ING5: variants seen among roughly 807,000 people sequenced by gnomAD.
The protein encoded by ING5 is inhibitor of growth protein 5.
ING5 carries 17 observed loss-of-function variants against 37.4 expected under a neutral mutation model. That is an observed-to-expected ratio of 0.45 (90% CI 0.31 to 0.68). The LOEUF is 0.68. ING5 is among the 30% of genes least tolerant of loss of function. The probability of loss-of-function intolerance (pLI) is 0.05; values close to 1 mark genes in which losing one functional copy is unlikely to be tolerated. For missense variants in ING5, 233 were observed against 311.9 expected, an observed-to-expected ratio of 0.75 and a Z score of 1.91; for synonymous variants, 123 against 116.6, an observed-to-expected ratio of 1.06 and a Z score of -0.36.
chr2:241,713,058 C>A (rs1559307667), intron 5 of ING5, among the ~76,000 whole-genome samples: 1 of 136,488 alleles, frequency 7.3e-6, no homozygotes, highest in African/African-American at 2.7e-5. Flanking sequence ...GGACAATTTT[C>A]TTTTTTTTTT....
intron 2 of ING5, among the ~76,000 whole-genome samples, chr2:241,693,262 A>AAG (rs1400342878): frequency 6.6e-6 from 1 of 151,708 alleles, no homozygotes; most frequent in African/African-American, 2.4e-5. Flanking sequence ...CAAAAAAAAA[A>AAG]AAAAAAAAAA....
At chr2:241,699,760 G>T (rs1575117638), upstream of ING5, among the ~76,000 whole-genome samples, 1 of 152,110 alleles carries the variant, frequency 6.6e-6, no homozygotes, top group Admixed American at 6.6e-5. Flanking sequence ...GAGCCTTTGG[G>T]ACGTCCTCTT....
chr2:241,697,479 C>G (rs541071416), upstream of ING5, among the ~76,000 whole-genome samples: 1 of 151,680 alleles, frequency 6.6e-6, no homozygotes, highest in Non-Finnish European at 1.5e-5. Flanking sequence ...GTGGAACATC[C>G]GGACGTTGGA....
chr2:241,725,123 G>T lies in ING5; in HGVS notation c.*92G>T, dbSNP rs1691561346. ...CCTTCCTTTTAAAACTACCTTGTTCGGTTGATACTTAGTAACTCCGTGGCC... is the reference window on the plus strand; with the variant it reads ...CCTTCCTTTTAAAACTACCTTGTTCTGTTGATACTTAGTAACTCCGTGGCC... On this transcript the variant is annotated 3_prime_UTR_variant, in exon 8 of 8. Transcript: ENST00000313552. The T allele has an allele frequency of 3.7e-6, 5 of 1,338,178 alleles. No individual in the cohort carries two copies. Among genetic ancestry groups the T allele is most frequent in the Non-Finnish European group, 5.4e-6 (5 of 932,698 alleles). 82.9% of individuals were successfully genotyped at this position (1,338,178 alleles called of 1,614,324 possible).
intron 1 of ING5, among the ~76,000 whole-genome samples, chr2:241,689,352 C>G (rs905620375): frequency 1.3e-5 from 2 of 152,154 alleles, no homozygotes; most frequent in Admixed American, 6.6e-5. Flanking sequence ...TCGGGTGATC[C>G]GCCCACGTCA....
rs558243214 is a variant in ING5 at position 241,687,685 on chromosome 2, G to T, written c.-1151G>T. 2.9e-3 allele frequency: 624 copies of T among 215,022 alleles called. 4 individuals carry two copies. Among genetic ancestry groups the T allele is most frequent in the African/African-American group, 0.013 (576 of 43,754 alleles). 13.3% of individuals were successfully genotyped at this position (215,022 alleles called of 1,614,324 possible). Reference sequence around the variant, plus strand: ...TGGGACTGCAGGCGGCCGCCACGACGCCCGGCTAATTTTTTGTATTTTTAG... The same window carrying T: ...TGGGACTGCAGGCGGCCGCCACGACTCCCGGCTAATTTTTTGTATTTTTAG... On this transcript the variant is annotated 5_prime_UTR_variant, in exon 1 of 8. Transcript: ENST00000636051.
intron 5 of ING5, among the ~76,000 whole-genome samples, chr2:241,717,233 G>C (rs965234113): frequency 2.0e-5 from 3 of 151,882 alleles, no homozygotes; most frequent in African/African-American, 7.3e-5. Flanking sequence ...TACTCACCTG[G>C]TTAATTTTTG....
chr2:241,718,468 G>A (rs555883878), intron 5 of ING5, among the ~76,000 whole-genome samples: 1 of 144,378 alleles, frequency 6.9e-6, no homozygotes, highest in South Asian at 2.2e-4. Flanking sequence ...CCAGGCTGGA[G>A]TGCACTGGTA....
intron 5 of ING5, among the ~76,000 whole-genome samples, chr2:241,717,660 T>C (rs1444396883): frequency 6.6e-6 from 1 of 151,946 alleles, no homozygotes. Context: ...TTGATTCTGA[T>C]GATAAATTAC....
chr2:241,707,567 A>T (rs763388421), intron 2 of ING5, among the ~76,000 whole-genome samples: 1 of 152,200 alleles, frequency 6.6e-6, no homozygotes, highest in East Asian at 1.9e-4. Context: ...TGCTGGGATT[A>T]CAGACGTGAG....
chr2:241,696,419 C>CAAAACAA (rs1559295521), intron 2 of ING5, among the ~76,000 whole-genome samples: 3 of 151,396 alleles, frequency 2.0e-5, no homozygotes, highest in African/African-American at 7.3e-5. Context: ...AAAAACCCCC[C>CAAAACAA]AAAACAAAAA....
intron 3 of ING5, among the ~76,000 whole-genome samples, chr2:241,710,469 A>T (rs1339532420): frequency 6.7e-6 from 1 of 149,804 alleles, no homozygotes; most frequent in Non-Finnish European, 1.5e-5. Context: ...CCAACAGGCT[A>T]ATTTTTGTTT....
chr2:241,693,780 C>T (rs1457954815), intron 2 of ING5, among the ~76,000 whole-genome samples: 1 of 151,268 alleles, frequency 6.6e-6, no homozygotes, highest in Non-Finnish European at 1.5e-5. Flanking sequence ...GCCTCAGCCT[C>T]CCGAGTAGCT....
At chr2:241,688,416 A>C (rs993526306) in intron 1 of ING5, among the ~76,000 whole-genome samples, 6 of 152,170 alleles carry the variant, frequency 3.9e-5, no homozygotes, top group African/African-American at 1.4e-4. Flanking sequence ...CACCCACTTC[A>C]GTGCTTTGGG....
chr2:241,708,745 A>G (rs954314716), intron 2 of ING5, among the ~76,000 whole-genome samples: 5 of 152,072 alleles, frequency 3.3e-5, no homozygotes, highest in African/African-American at 1.2e-4. Flanking sequence ...AGGATTGGAC[A>G]TTGGGGTTGT....
chr2:241,694,698 A>G (rs994158465), intron 2 of ING5, among the ~76,000 whole-genome samples: 1 of 150,262 alleles, frequency 6.7e-6, no homozygotes, highest in African/African-American at 2.5e-5. Flanking sequence ...CCTTTGGGCA[A>G]TTCATTTATA....
chr2:241,698,493 AGGAGTGTGTGTGTGT>A (rs2069663769), upstream of ING5, among the ~76,000 whole-genome samples: 1 of 108,200 alleles, frequency 9.2e-6, no homozygotes, highest in East Asian at 2.4e-4. Flanking sequence ...TTTATAATAG[AGGAGTGTGTGTGTGT>A]GTGTGTGTGT....
At chr2:241,706,956 A>ATTTTTTTT (rs35471600) in intron 2 of ING5, among the ~76,000 whole-genome samples, 1 of 120,756 alleles carries the variant, frequency 8.3e-6, no homozygotes, top group Non-Finnish European at 1.7e-5. Context: ...TGGTGTGGCA[A>ATTTTTTTT]TTTTTTTTTT....
chr2:241,725,282 C>G lies in ING5; in HGVS notation c.*251C>G. ...ACTCCCCCCGAGCATCAGCAGGGACCCCGGCGGACGTGGGCGGGCGCGCGT... is the reference window on the plus strand; with the variant it reads ...ACTCCCCCCGAGCATCAGCAGGGACGCCGGCGGACGTGGGCGGGCGCGCGT... On this transcript the variant is annotated 3_prime_UTR_variant, in exon 8 of 8. Coordinates refer to ENST00000313552, the MANE Select transcript of ING5 (RefSeq NM_032329.6). 3 of 522,966 alleles carry G rather than the reference C, an allele frequency of 5.7e-6. No homozygotes were observed. Among genetic ancestry groups the G allele is most frequent in the Non-Finnish European group, 1.0e-5 (3 of 288,680 alleles). The allele number at this position is 522,966 out of a possible 1,614,324, so 32.4% of individuals were successfully genotyped here. A position where few individuals can be genotyped will look rare whatever the true frequency, so the allele number is the denominator to read the frequency against.
Sources: allele counts gnomAD v4.1 joint callset (sites outside exome capture counted in the v4.1 genomes callset), GRCh38; gene constraint gnomAD v4.1.1; transcripts MANE v1.5; gene names NCBI Gene and HGNC (gene_info 2026-07-23, HGNC 2026-07-21).